PTK2: variants seen among roughly 807,000 people sequenced by gnomAD.
PTK2 encodes focal adhesion kinase 1.
A neutral mutation model predicts 150.1 loss-of-function variants in PTK2; 45 were observed. The ratio of observed to expected loss-of-function variants is 0.30; its 90% CI spans 0.24 to 0.38. PTK2 has a LOEUF of 0.38. PTK2 is among the 10% of genes least tolerant of loss of function. The pLI is 1.00. For missense variants in PTK2, 919 were observed against 1,307.3 expected, an observed-to-expected ratio of 0.70 and a Z score of 4.58; for synonymous variants, 432 against 449.2, an observed-to-expected ratio of 0.96 and a Z score of 0.48.
intron 22 of PTK2, among the ~76,000 whole-genome samples, chr8:140,726,607 G>C (rs887947153): frequency 5.9e-5 from 9 of 151,582 alleles, no homozygotes; most frequent in Admixed American, 5.2e-4. Flanking sequence ...ACATCTTTAA[G>C]GTGCTGGGGA....
chr8:140,990,274 AC>A (rs1307090787), intron 1 of PTK2, among the ~76,000 whole-genome samples: 5 of 150,760 alleles, frequency 3.3e-5, no homozygotes, highest in African/African-American at 1.2e-4. Flanking sequence ...TCCCTCTGTC[AC>A]CCAGGTTGGA....
chr8:140,744,064 A>AG (rs58272700), intron 19 of PTK2, among the ~76,000 whole-genome samples: 62 of 26,000 alleles, frequency 2.4e-3, no homozygotes, highest in African/African-American at 4.0e-3. Context: ...GCTATGAGCC[A>AG]CCGCGCCCGG....
chr8:140,789,578 G>A (rs1368437526), intron 13 of PTK2, 52 bp from the exon 14 acceptor site: 6 of 1,571,770 alleles, frequency 3.8e-6, no homozygotes, highest in African/African-American at 1.4e-5. Context: ...CCAGGACCCC[G>A]CAACTCGGCC....
chr8:140,862,831 C>A (rs1216707334), intron 5 of PTK2, among the ~76,000 whole-genome samples: 1 of 152,162 alleles, frequency 6.6e-6, no homozygotes, highest in East Asian at 1.9e-4. Flanking sequence ...ATCATTCCCC[C>A]ACACCCCACC....
chr8:140,804,226 TTC>T (rs1267429725), intron 10 of PTK2, among the ~76,000 whole-genome samples: 74 of 96,862 alleles, frequency 7.6e-4, no homozygotes, highest in Admixed American at 6.8e-3. Context: ...CTTTGGCTTC[TTC>T]TTTTTTTTTT....
intron 16 of PTK2, among the ~76,000 whole-genome samples, chr8:140,759,308 T>G (rs1346507875): frequency 6.6e-6 from 1 of 152,038 alleles, no homozygotes; most frequent in African/African-American, 2.4e-5. Context: ...GGAAATCATT[T>G]TGGCAGTTCA....
intron 23 of PTK2, among the ~76,000 whole-genome samples, chr8:140,712,300 GA>G (rs2100037263): frequency 6.6e-6 from 1 of 152,100 alleles, no homozygotes. Context: ...AGGCTTAACA[GA>G]AGGCAGCAGG....
intron 2 of PTK2, chr8:140,920,696 T>C (rs1445765330): frequency 9.4e-7 from 1 of 1,062,374 alleles, no homozygotes; most frequent in Admixed American, 3.6e-5. Flanking sequence ...CTATTTCCAT[T>C]TTTCCTTAAA....
intron 31 of PTK2, among the ~76,000 whole-genome samples, chr8:140,661,130 G>A (rs1052877821): frequency 6.6e-6 from 1 of 152,230 alleles, no homozygotes; most frequent in Non-Finnish European, 1.5e-5. Flanking sequence ...AAGTAGGCTG[G>A]CTTCAACTGT....
At chr8:140,948,237 T>G (rs2100178354) in intron 1 of PTK2, among the ~76,000 whole-genome samples, 1 of 152,076 alleles carries the variant, frequency 6.6e-6, no homozygotes, top group Non-Finnish European at 1.5e-5. Flanking sequence ...TCAAGAAAAC[T>G]TAAAATTAAA....
intron 20 of PTK2, among the ~76,000 whole-genome samples, chr8:140,740,787 C>T (rs1430263286): frequency 6.6e-6 from 1 of 152,142 alleles, no homozygotes; most frequent in African/African-American, 2.4e-5. Context: ...AGTTAAATGA[C>T]TAAACAATTA....
At chr8:140,756,322 C>CA (rs575587628) in intron 16 of PTK2, among the ~76,000 whole-genome samples, 7,260 of 91,152 alleles carry the variant, frequency 0.08, 504 homozygotes, top group African/African-American at 0.23. Flanking sequence ...GGCTCCATCT[C>CA]AAAAAAAAAA....
intron 22 of PTK2, among the ~76,000 whole-genome samples, chr8:140,728,299 C>T (rs967668919): frequency 6.6e-6 from 1 of 151,982 alleles, no homozygotes; most frequent in African/African-American, 2.4e-5. Flanking sequence ...CATTCCAAAG[C>T]TCATAATTTT....
chr8:140,710,039 TG>T (rs2100035917), intron 23 of PTK2, among the ~76,000 whole-genome samples: 2 of 152,032 alleles, frequency 1.3e-5, no homozygotes, highest in African/African-American at 4.8e-5. Flanking sequence ...GTAAGCCGGG[TG>T]CAGTGGCTCA....
At chr8:140,710,453 G>T (rs2100036183) in intron 23 of PTK2, among the ~76,000 whole-genome samples, 1 of 152,164 alleles carries the variant, frequency 6.6e-6, no homozygotes, top group Admixed American at 6.5e-5. Context: ...CAGATCACCT[G>T]AGGTCAGGAG....
chr8:140,665,580 T>C (rs1307799909), intron 30 of PTK2, among the ~76,000 whole-genome samples: 1 of 152,218 alleles, frequency 6.6e-6, no homozygotes, highest in African/African-American at 2.4e-5. Context: ...AGGGTCTAAC[T>C]ATGATTTAAA....
At chr8:140,907,769 T>G (rs1568619539) in intron 2 of PTK2, among the ~76,000 whole-genome samples, 4 of 152,072 alleles carry the variant, frequency 2.6e-5, no homozygotes, top group Non-Finnish European at 5.9e-5. Context: ...TGTCTTGGGG[T>G]GCCACAAATG....
chr8:140,920,721 TATTGAAATAAATTCTGAA>T (rs1220375501), intron 2 of PTK2: 5 of 1,185,782 alleles, frequency 4.2e-6, no homozygotes, highest in Non-Finnish European at 5.5e-6. Flanking sequence ...ACTGTAAATA[TATTGAAATAAATTCTGAA>T]AAACATTTAT....
intron 8 of PTK2, among the ~76,000 whole-genome samples, chr8:140,829,738 A>C (rs907778812): frequency 2.0e-5 from 3 of 152,170 alleles, no homozygotes; most frequent in African/African-American, 7.2e-5. Context: ...CTAATCTGTT[A>C]AATATTCACA....
Sources: gnomAD v4.1 joint callset for allele counts (sites outside exome capture counted in the v4.1 genomes callset) on GRCh38, gnomAD v4.1.1 for gene constraint, MANE v1.5 for transcripts, NCBI Gene and HGNC (gene_info 2026-07-23, HGNC 2026-07-21) for gene names.